TENM2: variants seen among roughly 807,000 people sequenced by gnomAD.
TENM2 encodes teneurin transmembrane protein 2.
In TENM2, 52 loss-of-function variants were observed where a neutral mutation model predicts 245.2. The observed-to-expected ratio is 0.21, with a 90% CI of 0.17 to 0.27. TENM2 has a LOEUF of 0.27. Among genes scored for constraint, TENM2 ranks in the 10% least tolerant of loss-of-function variants. TENM2 has a pLI of 1.00. For synonymous variants in TENM2, 1,363 were observed against 1,438.9 expected (o/e 0.95, Z 1.19); for missense variants, 3,046 against 3,666.8 (o/e 0.83, Z 4.37).
the TENM2 span, among the ~76,000 whole-genome samples, chr5:167,100,196 A>T: frequency 6.6e-6 from 1 of 152,164 alleles, no homozygotes. Context: ...GGCTTTAATT[A>T]TAGCTATTAT....
chr5:168,114,298 G>A (rs1794899196), intron 9 of TENM2, among the ~76,000 whole-genome samples: 3 of 152,138 alleles, frequency 2.0e-5, no homozygotes, highest in East Asian at 1.9e-4. Flanking sequence ...GTTTGGTTTC[G>A]AATCCAGGTC....
the TENM2 span, among the ~76,000 whole-genome samples, chr5:167,062,853 T>C: frequency 2.0e-5 from 3 of 152,060 alleles, no homozygotes; most frequent in African/African-American, 7.2e-5. Context: ...AATCCAAAGG[T>C]CGAAGGAGCT....
At chr5:167,997,315 A>T (rs770313676) in intron 5 of TENM2, among the ~76,000 whole-genome samples, 46 of 152,150 alleles carry the variant, frequency 3.0e-4, no homozygotes, top group Non-Finnish European at 6.3e-4. Context: ...AACTGAAATA[A>T]ATGATCCCGT....
At chr5:167,118,116 A>C in the TENM2 span, among the ~76,000 whole-genome samples, 1 of 152,174 alleles carries the variant, frequency 6.6e-6, no homozygotes, top group Admixed American at 6.5e-5. Flanking sequence ...TTTTATCAAG[A>C]CTATTCATAG....
intron 19 of TENM2, among the ~76,000 whole-genome samples, chr5:168,209,263 T>G: frequency 6.6e-6 from 1 of 152,268 alleles, no homozygotes; most frequent in South Asian, 2.1e-4. Flanking sequence ...ATTTCAGATT[T>G]TCCTGTGGAG....
chr5:168,009,573 G>A (rs936200043), intron 5 of TENM2, among the ~76,000 whole-genome samples: 2 of 152,056 alleles, frequency 1.3e-5, no homozygotes, highest in Non-Finnish European at 2.9e-5. Context: ...TTTGACTGAA[G>A]TGCATGAAAT....
chr5:168,094,406 C>T (rs1389368871), intron 8 of TENM2, among the ~76,000 whole-genome samples: 5 of 152,070 alleles, frequency 3.3e-5, no homozygotes, highest in African/African-American at 1.2e-4. Context: ...CAATTTCCAC[C>T]AAACCATCCC....
At chr5:167,551,198 T>G (rs887170579) in intron 2 of TENM2, among the ~76,000 whole-genome samples, 2 of 152,236 alleles carry the variant, frequency 1.3e-5, no homozygotes, top group African/African-American at 4.8e-5. Context: ...TGTATTTATA[T>G]ATGGTAAAGT....
intron 9 of TENM2, among the ~76,000 whole-genome samples, chr5:168,105,917 G>T (rs1581320676): frequency 6.6e-6 from 1 of 152,104 alleles, no homozygotes; most frequent in African/African-American, 2.4e-5. Context: ...TTGCTTTTAT[G>T]TGAAGGCTTT....
At chr5:167,806,362 T>C (rs964185527) in intron 2 of TENM2, among the ~76,000 whole-genome samples, 2 of 152,102 alleles carry the variant, frequency 1.3e-5, no homozygotes, top group African/African-American at 4.8e-5. Context: ...TAGTGTATTA[T>C]AGATGAGAGC....
intron 1 of TENM2, among the ~76,000 whole-genome samples, chr5:167,356,547 C>A (rs567108111): frequency 6.6e-6 from 1 of 152,316 alleles, no homozygotes; most frequent in African/African-American, 2.4e-5. Context: ...CCTGGGTATG[C>A]CTTGCCAGAA....
chr5:166,986,653 C>T, the TENM2 span, among the ~76,000 whole-genome samples: 1 of 152,134 alleles, frequency 6.6e-6, no homozygotes, highest in Non-Finnish European at 1.5e-5. Flanking sequence ...GAACTTGAGA[C>T]ATTTGGAAGC....
At chr5:167,243,351 C>T in the TENM2 span, among the ~76,000 whole-genome samples, 1 of 152,118 alleles carries the variant, frequency 6.6e-6, no homozygotes, top group African/African-American at 2.4e-5. Context: ...GGCCTCATGG[C>T]TGGTCAGGTT....
intron 2 of TENM2, among the ~76,000 whole-genome samples, chr5:167,462,927 A>G (rs1410849494): frequency 2.0e-5 from 3 of 151,950 alleles, no homozygotes; most frequent in Admixed American, 6.5e-5. Context: ...TATCAATTCT[A>G]TAGGGCACTG....
chr5:168,014,494 G>A (rs949567569), intron 5 of TENM2, among the ~76,000 whole-genome samples: 3 of 152,086 alleles, frequency 2.0e-5, no homozygotes, highest in South Asian at 2.1e-4. Flanking sequence ...TAGGTTTCCT[G>A]CTCATCAATG....
intron 2 of TENM2, among the ~76,000 whole-genome samples, chr5:167,414,772 C>T (rs1763081544): frequency 6.6e-6 from 1 of 152,056 alleles, no homozygotes; most frequent in South Asian, 2.1e-4. Flanking sequence ...GGTCGATTTC[C>T]AGCACTCACA....
chr5:168,055,926 G>C (rs143278949), intron 6 of TENM2, among the ~76,000 whole-genome samples: 10 of 152,340 alleles, frequency 6.6e-5, no homozygotes, highest in African/African-American at 2.4e-4. Context: ...TAAGGTCTCA[G>C]AACTTCTCAA....
chr5:167,279,102 A>T, the TENM2 span, among the ~76,000 whole-genome samples: 2 of 152,128 alleles, frequency 1.3e-5, no homozygotes, highest in African/African-American at 4.8e-5. Flanking sequence ...AATGTTTGCT[A>T]CTTTCTAATG....
rs191306273 is a variant in TENM2 at position 168,027,311 on chromosome 5, G to A, written c.1187-20116G>A. ...AAGTGCACAGGGCTTTCCCAGAAGA[G>A]GAAATGCAGCCTCCCCCTTACATCC... On this transcript the variant is annotated intron_variant, in intron 5 of 28. Transcript: ENST00000518659. 2.4e-4 allele frequency among the ~76,000 whole-genome samples: 37 copies of A among 152,290 alleles called. No homozygotes were observed. The East Asian group carries it at 7.0e-3, about 29-fold the overall frequency.
Sources: allele counts gnomAD v4.1 joint callset (sites outside exome capture counted in the v4.1 genomes callset), GRCh38; gene constraint gnomAD v4.1.1; transcripts MANE v1.5; gene names NCBI Gene and HGNC (gene_info 2026-07-23, HGNC 2026-07-21).